Variants in KRT75 observed in about 807,000 individuals in gnomAD.
The protein encoded by KRT75 is keratin 75.
KRT75 carries 35 observed loss-of-function variants against 48.8 expected under a neutral mutation model. The ratio of observed to expected loss-of-function variants is 0.72; its 90% CI spans 0.55 to 0.95. The LOEUF is 0.95. Among genes scored for constraint, KRT75 ranks in the 40% least tolerant of loss-of-function variants. The pLI is 0.00. For missense variants in KRT75, 776 were observed against 709.9 expected (o/e 1.09, Z -1.06); for synonymous variants, 301 against 282.3 (o/e 1.07, Z -0.66).
At chr12:52,427,336 G>A (rs1940087006) in intron 7 of KRT75, among the ~76,000 whole-genome samples, 1 of 152,224 alleles carries the variant, frequency 6.6e-6, no homozygotes, top group Non-Finnish European at 1.5e-5. Context: ...CTTTGCTTTA[G>A]CATCTTCAGG....
chr12:52,428,629 C>T lies in KRT75; in HGVS notation c.1150G>A (p.Val384Ile), dbSNP rs368924328. The part of the protein sequence containing the change: ...IQRLRAEIDS[V>I]KKQCSSLQTA... ...TGCCAAATCTTTACCTGCTTCTTGA[C>T]GCTGTCAATCTCAGCTCTCAGCCTC... The change falls in exon 6 of 9, where the codon GTC (valine) becomes ATC (isoleucine). Residue 384 changes from valine to isoleucine, a missense_variant. Physicochemically the swap from Val to Ile is conservative, Grantham distance 29. Transcript: ENST00000252245. 2.8e-5 allele frequency: 46 copies of T among 1,614,222 alleles called. 1 individual carries two copies. The Middle Eastern group carries it at 8.2e-4, about 29-fold the overall frequency.
At chr12:52,427,631 C>A (rs972136796) in intron 7 of KRT75, among the ~76,000 whole-genome samples, 3 of 152,164 alleles carry the variant, frequency 2.0e-5, no homozygotes, top group Admixed American at 6.5e-5. Context: ...ACGCTGTGTA[C>A]CATGCATTGT....
intron 1 of KRT75, 112 bp from the exon 2 acceptor site, chr12:52,433,364 A>C: frequency 3.1e-6 from 3 of 973,164 alleles, no homozygotes; most frequent in South Asian, 2.8e-5. Context: ...GCACCCATTG[A>C]CAATAATGTA....
At position 52,428,709 on chromosome 12, in the gene KRT75, C is replaced by G. The variant is rs928975467; in HGVS notation, c.1070G>C (p.Gly357Ala). ...EELQVTAGRHGDDLRNTKQEI... is the reference protein window; with the variant it reads ...EELQVTAGRHADDLRNTKQEI... ...TTGTTTGGTGTTTCGAAGGTCATCC[C>G]CATGTCTGCCTGCGGTGACCTGCAG... The change falls in exon 6 of 9, where the codon GGG becomes GCG. Residue 357 changes from glycine to alanine, a missense_variant. By Grantham distance (60) the Gly-to-Ala change is moderately conservative. Transcript: ENST00000252245. 3 of 1,614,050 alleles carry G rather than the reference C, an allele frequency of 1.9e-6. No homozygotes were observed. In the African/African-American group the frequency reaches 4.0e-5, roughly 22 times the overall value.
intron 4 of KRT75, 131 bp downstream of exon 4, chr12:52,431,412 C>A (rs1940142497): frequency 2.6e-6 from 2 of 773,616 alleles, no homozygotes; most frequent in African/African-American, 3.4e-5. Context: ...CCCCTACCAC[C>A]CAAGCCCCAG....
chr12:52,433,989 C>T lies in KRT75; in HGVS notation c.316G>A (p.Gly106Arg), dbSNP rs147392602. The change falls in exon 1 of 9, where the codon GGA becomes AGA. Residue 106 changes from glycine to arginine, a missense_variant. Coordinates refer to ENST00000252245, the MANE Select transcript of KRT75 (RefSeq NM_004693.3). ...GGGAAGCTGGGGCCACTGAAGCCTC[C>T]TCCAACTCCACCCCCATAGCCAAAT... is the stretch of plus-strand genomic sequence containing the variant. ...SGFGYGGGVGGGFSGPSFPVC... is the reference protein window; with the variant it reads ...SGFGYGGGVGRGFSGPSFPVC... 2 of 1,614,168 alleles carry T rather than the reference C, an allele frequency of 1.2e-6. No individual in the cohort carries two copies. Among genetic ancestry groups the T allele is most frequent in the South Asian group, 1.1e-5 (1 of 91,082 alleles).
At chr12:52,429,152 T>C (rs1614460) in intron 5 of KRT75, among the ~76,000 whole-genome samples, 92,589 of 151,920 alleles carry the variant, frequency 0.61, 28,360 homozygotes, top group Middle Eastern at 0.71. Context: ...GCATGAAGAC[T>C]CTGGGTCAGG....
intron 4 of KRT75, among the ~76,000 whole-genome samples, chr12:52,431,158 G>C (rs1940139449): frequency 6.6e-6 from 1 of 151,210 alleles, no homozygotes; most frequent in African/African-American, 2.4e-5. Flanking sequence ...CAAAGGGTAG[G>C]AAGCCCCCTG....
chr12:52,431,259 A>C (rs1364858322), intron 4 of KRT75, among the ~76,000 whole-genome samples: 1 of 151,994 alleles, frequency 6.6e-6, no homozygotes, highest in Non-Finnish European at 1.5e-5. Flanking sequence ...TTCCTTGGGA[A>C]ATTACCCAGT....
At position 52,424,362 on chromosome 12, in the gene KRT75, G is replaced by A. The variant is rs1940050327; in HGVS notation, c.*155C>T. ...AGTCTGGGCACTGTCAGGAGGGAGA[G>A]GCTGGCTTAGGCCTGGGAATGGGTA... On this transcript the variant is annotated 3_prime_UTR_variant, in exon 9 of 9. Coordinates refer to ENST00000252245, the MANE Select transcript of KRT75 (RefSeq NM_004693.3). The A allele has an allele frequency of 1.3e-6, 1 of 774,146 alleles. No homozygotes were observed. The highest frequency in any genetic ancestry group is 2.3e-6 in the Non-Finnish European group (1 of 431,854). The allele number at this position is 774,146 out of a possible 1,614,324, so 48.0% of individuals were successfully genotyped here.
rs761119578 is a variant in KRT75, at chr12:52,433,020, A to G, written c.713+18T>C. On this transcript the variant is annotated intron_variant, in intron 2 of 8. Transcript: ENST00000252245. Reference sequence around the variant, plus strand: ...CTTCAGATGGCTGTGTGTGGCCAGAAGCCAGTCTCCCACTTACCTGACTTT... The same window carrying G: ...CTTCAGATGGCTGTGTGTGGCCAGAGGCCAGTCTCCCACTTACCTGACTTT... The G allele has an allele frequency of 1.9e-6, 3 of 1,612,896 alleles. No homozygotes were observed. Among genetic ancestry groups the G allele is most frequent in the Admixed American group, 3.3e-5 (2 of 59,978 alleles).
At chr12:52,431,934 C>A in intron 3 of KRT75, 72 bp downstream of exon 3, 2 of 1,456,888 alleles carry the variant, frequency 1.4e-6, no homozygotes, top group South Asian at 2.3e-5. Context: ...GCCCAAGGGT[C>A]AGAGGTCAGG....
rs771661627 is a variant in KRT75, at chr12:52,424,521, T to C, written c.1652A>G (p.His551Arg). ...AGAGGGAGCCATGGGGCTCTCTTAGTGCGTGTAGCTCTTCTGGCTGGAGGA... is the reference window on the plus strand; with the variant it reads ...AGAGGGAGCCATGGGGCTCTCTTAGCGCGTGTAGCTCTTCTGGCTGGAGGA... Reference protein sequence around the residue: ...TTSSSQKSYTH With the variant: ...TTSSSQKSYTR Residue 551 changes from histidine (H) to arginine (R), a missense_variant, in exon 9 of 9, where the codon CAC becomes CGC. By Grantham distance (29) the His-to-Arg change is conservative. Transcript: ENST00000252245. 1 of 1,613,872 alleles carries C rather than the reference T, an allele frequency of 6.2e-7. No homozygotes were observed. Among genetic ancestry groups the C allele is most frequent in the Admixed American group, 1.7e-5 (1 of 60,020 alleles).
In KRT75 at chr12:52,431,544, G is replaced by C. The variant is rs555868203; in HGVS notation, c.869C>G (p.Ala290Gly). 2 of 1,600,182 alleles carry C rather than the reference G, an allele frequency of 1.2e-6. No homozygotes were observed. The highest frequency in any genetic ancestry group is 1.7e-5 in the Admixed American group (1 of 59,990). Residue 290 changes from alanine (A) to glycine (G), a missense_variant and splice_region_variant, in exon 4 of 9, where the codon GCA becomes GGA. Ala to Gly is a moderately conservative substitution (Grantham distance 60). Coordinates refer to ENST00000252245, the MANE Select transcript of KRT75 (RefSeq NM_004693.3). ...ACAGAAATACTTGCAGACTCTTACT[G>C]CATCAAAGACTGAGTGGATGAAGTT... is the stretch of plus-strand genomic sequence containing the variant. ...EINFIHSVFD[A>G]ELSQLQTQVG...
Position 52,428,887 on chromosome 12 carries a change from T to TG in KRT75, c.1036-145dup, listed in dbSNP as rs1940109168. 5 of 967,376 alleles carry TG rather than the reference T, an allele frequency of 5.2e-6. No individual in the cohort carries two copies. In the East Asian group the frequency reaches 1.2e-4, roughly 23 times the overall value. The allele number at this position is 967,376 out of a possible 1,614,324, so 59.9% of individuals were successfully genotyped here. On this transcript the variant is annotated intron_variant, in intron 5 of 8. Transcript: ENST00000252245. Reference sequence around the variant, plus strand: ...ATTCCCCCTGAAGCTTACAGTTTATTGGGGGACATAGACATTAACTGAATT... The same window carrying TG: ...ATTCCCCCTGAAGCTTACAGTTTATTGGGGGGACATAGACATTAACTGAATT...
At position 52,432,086 on chromosome 12, in the gene KRT75, G is replaced by T; in HGVS notation, c.714-20C>A. ...TCGTACCTATAAGGACAGAGCGGGG[G>T]GTGTGCTGTTGAGCAAGTCTGCATT... On this transcript the variant is annotated intron_variant, in intron 2 of 8. Transcript: ENST00000252245. The T allele has an allele frequency of 1.9e-6, 3 of 1,613,762 alleles. No individual in the cohort carries two copies. Among genetic ancestry groups the T allele is most frequent in the Non-Finnish European group, 2.5e-6 (3 of 1,179,730 alleles).
intron 7 of KRT75, 75 bp downstream of exon 7, chr12:52,428,181 G>A (rs534604560): frequency 1.7e-5 from 27 of 1,567,862 alleles, no homozygotes; most frequent in Middle Eastern, 2.2e-4. Flanking sequence ...GCAACAGCCC[G>A]AGCCCCTAGG....
Position 52,428,336 on chromosome 12 carries a change from G to A in KRT75, c.1302C>T (p.Tyr434=), listed in dbSNP as rs1940098633. The A allele has an allele frequency of 1.9e-6, 3 of 1,614,094 alleles. No individual in the cohort carries two copies. Among genetic ancestry groups the A allele is most frequent in the South Asian group, 1.1e-5 (1 of 91,080 alleles). Residue 434 remains tyrosine (Y), a synonymous_variant, in exon 7 of 9, where the codon TAC becomes TAT. Coordinates refer to ENST00000252245, the MANE Select transcript of KRT75 (RefSeq NM_004693.3). ...KQDMARLLRE[Y]QELMNIKLAL... ...CCAGCTTGATGTTCATCAGCTCCTG[G>A]TACTCACGCAGGAGCCGAGCCATGT...
At chr12:52,428,000 G>A (rs1026334527) in intron 7 of KRT75, among the ~76,000 whole-genome samples, 1 of 152,142 alleles carries the variant, frequency 6.6e-6, no homozygotes, top group African/African-American at 2.4e-5. Context: ...GTAACCAAAT[G>A]TCTCCTTTGG....
Sources: gnomAD v4.1 joint callset for allele counts (sites outside exome capture counted in the v4.1 genomes callset) on GRCh38, gnomAD v4.1.1 for gene constraint, MANE v1.5 for transcripts, NCBI Gene and HGNC (gene_info 2026-07-23, HGNC 2026-07-21) for gene names.